Variants in GALNTL6 observed in about 807,000 individuals in gnomAD.
GALNTL6 encodes the protein polypeptide N-acetylgalactosaminyltransferase like 6.
In GALNTL6, 46 loss-of-function variants were observed where a neutral mutation model predicts 73.7. The observed-to-expected ratio is 0.62, with a 90% CI of 0.49 to 0.80. The LOEUF is 0.80. Ranked by LOEUF, GALNTL6 falls within the 30% of genes least tolerant of loss-of-function variation. GALNTL6 has a pLI of 0.00. For missense variants in GALNTL6, 604 were observed against 755.0 expected (o/e 0.80, Z 2.34); for synonymous variants, 259 against 263.7 (o/e 0.98, Z 0.17).
intron 2 of GALNTL6, among the ~76,000 whole-genome samples, chr4:172,220,647 A>G (rs1296906265): frequency 6.6e-6 from 1 of 151,880 alleles, no homozygotes; most frequent in Non-Finnish European, 1.5e-5. Context: ...GAATGAGCTT[A>G]AAACACCAAC....
chr4:171,814,704 C>G lies in GALNTL6; in HGVS notation c.124C>G (p.Pro42Ala), dbSNP rs1243720075. 1.9e-6 allele frequency: 3 copies of G among 1,613,760 alleles called. No homozygotes were observed. The highest frequency in any genetic ancestry group is 2.5e-6 in the Non-Finnish European group (3 of 1,180,028). ...TAAGCACCTGGTGAAGTCAGCGGAG[C>G]CCGGGGAGCAGCAGGTAAGTGCCAC... is the stretch of plus-strand genomic sequence containing the variant. The part of the protein sequence containing the change: ...KDKHLVKSAE[P>A]GEQQTFPLGL... The change falls in exon 2 of 13, where the codon CCC (proline) becomes GCC (alanine). Residue 42 changes from proline (P) to alanine (A), a missense_variant. Pro to Ala is a conservative substitution (Grantham distance 27, BLOSUM62 -1). Transcript: ENST00000506823.
chr4:172,985,345 ATTG>A (rs1751246299), intron 10 of GALNTL6, among the ~76,000 whole-genome samples: 1 of 151,654 alleles, frequency 6.6e-6, no homozygotes, highest in South Asian at 2.1e-4. Flanking sequence ...ATAATAATAA[ATTG>A]TTGTCATTGT....
chr4:172,084,171 T>A (rs990114706), intron 2 of GALNTL6, among the ~76,000 whole-genome samples: 2 of 152,124 alleles, frequency 1.3e-5, no homozygotes, highest in African/African-American at 4.8e-5. Flanking sequence ...GTTTGTCTAA[T>A]GAGAGGTGAT....
intron 3 of GALNTL6, among the ~76,000 whole-genome samples, chr4:172,253,741 A>C (rs1383899454): frequency 6.6e-6 from 1 of 151,992 alleles, no homozygotes; most frequent in Non-Finnish European, 1.5e-5. Context: ...TCAGCACATC[A>C]AATATATTTC....
chr4:172,678,054 C>T (rs1732408789), intron 5 of GALNTL6, among the ~76,000 whole-genome samples: 2 of 152,254 alleles, frequency 1.3e-5, no homozygotes, highest in South Asian at 2.1e-4. Flanking sequence ...AATTCATGTG[C>T]GTGTCTTTGT....
chr4:172,895,572 T>C (rs1746281940), intron 8 of GALNTL6, among the ~76,000 whole-genome samples: 1 of 152,062 alleles, frequency 6.6e-6, no homozygotes, highest in Non-Finnish European at 1.5e-5. Flanking sequence ...TTTGTGAGTT[T>C]GATTATAATA....
chr4:172,207,061 C>A (rs185055073), intron 2 of GALNTL6, among the ~76,000 whole-genome samples: 152 of 151,646 alleles, frequency 1.0e-3, no homozygotes, highest in African/African-American at 3.5e-3. Flanking sequence ...TCGTGATCCG[C>A]CCCCCTTGGC....
chr4:172,469,593 C>T (rs1732969020), intron 5 of GALNTL6, among the ~76,000 whole-genome samples: 1 of 152,098 alleles, frequency 6.6e-6, no homozygotes, highest in Non-Finnish European at 1.5e-5. Flanking sequence ...CCACTGCACT[C>T]CAGTGCACTC....
intron 4 of GALNTL6, 23 bp downstream of exon 4, chr4:172,311,775 T>A (rs776208083): frequency 2.7e-6 from 4 of 1,500,018 alleles, no homozygotes; most frequent in Non-Finnish European, 3.6e-6. Flanking sequence ...ATATCAGTGA[T>A]CAGGGTGGGT....
At chr4:171,819,369 G>T (rs1419656333) in intron 2 of GALNTL6, among the ~76,000 whole-genome samples, 4 of 152,126 alleles carry the variant, frequency 2.6e-5, no homozygotes, top group African/African-American at 9.7e-5. Flanking sequence ...GGGAGACAGA[G>T]TGTGAAACAC....
chr4:172,119,749 C>T (rs1030846121), intron 2 of GALNTL6, among the ~76,000 whole-genome samples: 1 of 152,142 alleles, frequency 6.6e-6, no homozygotes, highest in Non-Finnish European at 1.5e-5. Context: ...TCTTTATTTA[C>T]AAAATCAACC....
At chr4:172,367,774 TTATAC>T (rs1188193748) in intron 5 of GALNTL6, among the ~76,000 whole-genome samples, 1 of 152,268 alleles carries the variant, frequency 6.6e-6, no homozygotes. Context: ...ATGAATTAAG[TTATAC>T]TATATAAAAC....
At chr4:172,172,260 C>T (rs770925480) in intron 2 of GALNTL6, among the ~76,000 whole-genome samples, 2 of 152,010 alleles carry the variant, frequency 1.3e-5, no homozygotes, top group Non-Finnish European at 2.9e-5. Flanking sequence ...CACAGTGGTG[C>T]GATCTCGGCT....
intron 5 of GALNTL6, among the ~76,000 whole-genome samples, chr4:172,541,599 G>A (rs1735551644): frequency 6.6e-6 from 1 of 152,210 alleles, no homozygotes; most frequent in African/African-American, 2.4e-5. Context: ...AACTTGAGAG[G>A]CCAAGTAAGG....
chr4:172,322,914 C>T (rs1485189581), intron 4 of GALNTL6, among the ~76,000 whole-genome samples: 1 of 151,890 alleles, frequency 6.6e-6, no homozygotes, highest in Non-Finnish European at 1.5e-5. Flanking sequence ...AGCAAACCAA[C>T]ACGTATATAA....
intron 2 of GALNTL6, among the ~76,000 whole-genome samples, chr4:171,980,314 G>C (rs1739859109): frequency 6.6e-6 from 1 of 152,164 alleles, no homozygotes; most frequent in Non-Finnish European, 1.5e-5. Context: ...ATAACATTAA[G>C]AAATTCGTTT....
At chr4:172,616,065 T>C (rs546380978) in intron 5 of GALNTL6, among the ~76,000 whole-genome samples, 8 of 152,290 alleles carry the variant, frequency 5.3e-5, no homozygotes, top group Non-Finnish European at 7.3e-5. Flanking sequence ...ACTTTAAATG[T>C]GAAAAGAGCT....
chr4:172,543,160 G>A (rs1324558799), intron 5 of GALNTL6, among the ~76,000 whole-genome samples: 1 of 152,084 alleles, frequency 6.6e-6, no homozygotes, highest in Admixed American at 6.6e-5. Flanking sequence ...GCATCACAGG[G>A]AATTCTTTAA....
intron 2 of GALNTL6, among the ~76,000 whole-genome samples, chr4:172,024,751 C>T (rs1204706643): frequency 6.6e-6 from 1 of 151,826 alleles, no homozygotes; most frequent in Non-Finnish European, 1.5e-5. Flanking sequence ...AGTGGAACAA[C>T]CAGTATAGAT....
Sources: gnomAD v4.1 joint callset for allele counts (sites outside exome capture counted in the v4.1 genomes callset) on GRCh38, gnomAD v4.1.1 for gene constraint, MANE v1.5 for transcripts, NCBI Gene and HGNC (gene_info 2026-07-23, HGNC 2026-07-21) for gene names.